Variants in ASB15 observed in about 807,000 individuals in gnomAD.
The protein encoded by ASB15 is ankyrin repeat and SOCS box protein 15.
Under a neutral mutation model 58.0 loss-of-function variants are expected in ASB15, and 54 were observed. The ratio of observed to expected loss-of-function variants is 0.93; its 90% CI spans 0.75 to 1.17. The LOEUF is 1.17. ASB15 is among the 50% of genes most tolerant of loss of function. The probability of loss-of-function intolerance (pLI) is 0.00; values close to 1 mark genes in which losing one functional copy is unlikely to be tolerated. For missense variants in ASB15, 680 were observed against 707.4 expected, an observed-to-expected ratio of 0.96 and a Z score of 0.44; for synonymous variants, 249 against 262.4, an observed-to-expected ratio of 0.95 and a Z score of 0.50.
At chr7:123,606,958 T>C (rs1038154705) in intron 2 of ASB15, among the ~76,000 whole-genome samples, 1 of 152,218 alleles carries the variant, frequency 6.6e-6, no homozygotes, top group Non-Finnish European at 1.5e-5. Flanking sequence ...TTCCTTTGGA[T>C]ATATACACAC....
intron 11 of ASB15, among the ~76,000 whole-genome samples, chr7:123,633,773 G>GTTGTT (rs1272721608): frequency 1.3e-5 from 2 of 152,294 alleles, no homozygotes; most frequent in East Asian, 3.9e-4. Flanking sequence ...TTTGCTGGAG[G>GTTGTT]TTGTTTTGTT....
At chr7:123,579,561 C>G (rs1438586502) in intron 1 of ASB15, among the ~76,000 whole-genome samples, 2 of 152,030 alleles carry the variant, frequency 1.3e-5, no homozygotes, top group East Asian at 1.9e-4. Context: ...CCACTGTAGC[C>G]TGAGGGCTTA....
chr7:123,632,226 C>G (rs1053891845), intron 11 of ASB15, among the ~76,000 whole-genome samples: 1 of 151,678 alleles, frequency 6.6e-6, no homozygotes, highest in African/African-American at 2.4e-5. Flanking sequence ...AAGAACAATA[C>G]GAGTCAAAAT....
At chr7:123,580,893 C>T (rs1799214043) in intron 1 of ASB15, among the ~76,000 whole-genome samples, 1 of 151,882 alleles carries the variant, frequency 6.6e-6, no homozygotes, top group African/African-American at 2.4e-5. Context: ...GGTCAGAGAC[C>T]GTTCGGTTAA....
intron 3 of ASB15, among the ~76,000 whole-genome samples, chr7:123,609,696 A>C (rs1800336113): frequency 6.6e-6 from 1 of 152,190 alleles, no homozygotes; most frequent in Admixed American, 6.5e-5. Context: ...GTCCTTTTTC[A>C]GGGAAAGGGA....
chr7:123,614,693 T>G (rs1184495758), intron 4 of ASB15, 84 bp downstream of exon 4: 3 of 885,576 alleles, frequency 3.4e-6, no homozygotes, highest in Non-Finnish European at 5.5e-6. Flanking sequence ...CGTTTCCTAA[T>G]TCCTCCTCTA....
rs140888993 is a variant in ASB15, at chr7:123,612,575, G to A, written c.-2-1926G>A. ...TTGTGCCAGCCTTAACACAGTGCGA[G>A]CCATGGATGGGGATCAGCTGGAGGG... On this transcript the variant is annotated intron_variant, in intron 3 of 11. Coordinates refer to ENST00000451215, the MANE Select transcript of ASB15 (RefSeq NM_001290258.2). Among the ~76,000 whole-genome samples, 35 of 152,256 alleles carry A rather than the reference G, an allele frequency of 2.3e-4. 1 individual carries two copies. The East Asian group carries it at 6.0e-3, about 26-fold the overall frequency.
intron 3 of ASB15, among the ~76,000 whole-genome samples, 169 bp downstream of exon 3, chr7:123,608,823 C>T (rs954042220): frequency 6.6e-6 from 1 of 152,040 alleles, no homozygotes; most frequent in Non-Finnish European, 1.5e-5. Context: ...AAGCATTCAG[C>T]CACCAAATAA....
upstream of ASB15, among the ~76,000 whole-genome samples, chr7:123,599,270 A>G (rs908021114): frequency 6.6e-6 from 1 of 152,212 alleles, no homozygotes; most frequent in African/African-American, 2.4e-5. Context: ...AAAAAAACAC[A>G]CAAAACAAAC....
chr7:123,576,652 G>A (rs529213440), intron 1 of ASB15, among the ~76,000 whole-genome samples: 9 of 152,202 alleles, frequency 5.9e-5, no homozygotes, highest in African/African-American at 1.9e-4. Flanking sequence ...GATCCAAGAA[G>A]ACTTGTACCA....
In ASB15 at chr7:123,629,253, G is replaced by C; in HGVS notation, c.1259G>C (p.Ser420Thr). ...FMHVNDTRFP[S>T]VIQYALNDEV... ...CATGTGAATGACACTCGTTTCCCCA[G>C]TGTCATTCAATATGCTCTAAACGAC... Residue 420 changes from serine (S) to threonine (T), a missense_variant, in exon 10 of 12, where the codon AGT becomes ACT. Physicochemically the swap from Ser to Thr is moderately conservative, Grantham distance 58 (BLOSUM62 1). Transcript: ENST00000451215. 1.9e-6 allele frequency: 3 copies of C among 1,614,046 alleles called. No homozygotes were observed. Among genetic ancestry groups the C allele is most frequent in the Non-Finnish European group, 2.5e-6 (3 of 1,179,950 alleles).
At chr7:123,599,268 A>C (rs1396560453), upstream of ASB15, among the ~76,000 whole-genome samples, 1 of 152,170 alleles carries the variant, frequency 6.6e-6, no homozygotes, top group African/African-American at 2.4e-5. Context: ...CCAAAAAAAC[A>C]CACAAAACAA....
intron 1 of ASB15, among the ~76,000 whole-genome samples, chr7:123,576,161 T>C (rs921840185): frequency 2.0e-5 from 3 of 151,666 alleles, no homozygotes; most frequent in African/African-American, 7.2e-5. Context: ...ATTTTCATCT[T>C]CTATATTTTT....
At position 123,612,204 on chromosome 7, in the gene ASB15, T is replaced by G. The variant is rs991123124; in HGVS notation, c.-2-2297T>G. On this transcript the variant is annotated intron_variant, in intron 3 of 11. Coordinates refer to ENST00000451215, the MANE Select transcript of ASB15 (RefSeq NM_001290258.2). ...CCAGGCAAGGCCACAGGTTGAACTT[T>G]GTCATCTACTGGTGCTGGCTGACAG... is the stretch of plus-strand genomic sequence containing the variant. 2.0e-5 allele frequency: 3 copies of G among 152,374 alleles called. No individual in the cohort carries two copies. In the East Asian group the frequency reaches 5.8e-4, roughly 29 times the overall value. 9.4% of individuals were successfully genotyped at this position (152,374 alleles called of 1,614,324 possible).
At chr7:123,615,801 T>C (rs1170954162) in intron 4 of ASB15, among the ~76,000 whole-genome samples, 1 of 152,138 alleles carries the variant, frequency 6.6e-6, no homozygotes, top group Non-Finnish European at 1.5e-5. Context: ...TGTTTAAAAT[T>C]AGAAAAACCT....
At chr7:123,612,359 C>T (rs1020055593) in intron 3 of ASB15, 3 of 152,174 alleles carry the variant, frequency 2.0e-5, no homozygotes, top group African/African-American at 7.2e-5. Flanking sequence ...GATTTTGTTT[C>T]CTCTCAGAAA....
chr7:123,586,925 T>C (rs756646114), intron 1 of ASB15, among the ~76,000 whole-genome samples: 6 of 151,550 alleles, frequency 4.0e-5, no homozygotes, highest in Non-Finnish European at 8.9e-5. Context: ...GAAAGTACTA[T>C]ATTGTCTTGT....
upstream of ASB15, among the ~76,000 whole-genome samples, chr7:123,597,523 T>C (rs1799733004): frequency 6.6e-6 from 1 of 152,186 alleles, no homozygotes; most frequent in Non-Finnish European, 1.5e-5. Flanking sequence ...CACTCAGCAC[T>C]GTGAGTCTTA....
At chr7:123,616,296 G>T (rs768979808) in intron 5 of ASB15, 23 bp downstream of exon 5, 43 of 1,609,314 alleles carry the variant, frequency 2.7e-5, no homozygotes, top group Non-Finnish European at 3.6e-5. Flanking sequence ...ACTATCTACA[G>T]TGGGATGGAC....
Sources: allele counts gnomAD v4.1 joint callset (sites outside exome capture counted in the v4.1 genomes callset), GRCh38; gene constraint gnomAD v4.1.1; transcripts MANE v1.5; gene names NCBI Gene and HGNC (gene_info 2026-07-23, HGNC 2026-07-21).